The following CCDC7 variants were observed in gnomAD, a reference collection of about 807,000 sequenced individuals.
CCDC7 encodes coiled-coil domain-containing protein 7.
CCDC7 carries 183 observed loss-of-function variants against 196.9 expected under a neutral mutation model. The observed-to-expected ratio is 0.93, with a 90% CI of 0.82 to 1.05. CCDC7 has a LOEUF of 1.05. Among genes scored for constraint, CCDC7 ranks in the 50% least tolerant of loss-of-function variants. CCDC7 has a pLI of 0.00. For synonymous variants in CCDC7, 525 were observed against 484.6 expected, an observed-to-expected ratio of 1.08 and a Z score of -1.10; for missense variants, 1,540 against 1,482.2, an observed-to-expected ratio of 1.04 and a Z score of -0.64.
At chr10:32,631,275 G>A (rs548540315) in intron 18 of CCDC7, among the ~76,000 whole-genome samples, 1 of 152,080 alleles carries the variant, frequency 6.6e-6, no homozygotes. Context: ...TTTATAAAGG[G>A]TTTTATAGTT....
In CCDC7 at chr10:32,585,003, TA is replaced by T. The variant is rs561589877; in HGVS notation, c.1801+700del. Among the ~76,000 whole-genome samples, 16 of 152,232 alleles carry T rather than the reference TA, an allele frequency of 1.1e-4. 1 individual carries two copies. In the South Asian group the frequency reaches 2.7e-3, roughly 26 times the overall value. On this transcript the variant is annotated intron_variant, in intron 18 of 41. Transcript: ENST00000639629. Reference sequence around the variant, plus strand: ...TTTGATATACGGTTAAAAGCAAAGATATTTTTTTCTTCCTTTCCAACATGTA... The same window carrying T: ...TTTGATATACGGTTAAAAGCAAAGATTTTTTTTCTTCCTTTCCAACATGTA...
At chr10:32,665,224 A>G (rs936504065) in intron 21 of CCDC7, among the ~76,000 whole-genome samples, 5 of 151,994 alleles carry the variant, frequency 3.3e-5, no homozygotes, top group South Asian at 2.1e-4. Flanking sequence ...TGCTTATCAG[A>G]TTTATGATTT....
chr10:32,487,271 A>G (rs2041301272), intron 8 of CCDC7, among the ~76,000 whole-genome samples: 1 of 152,034 alleles, frequency 6.6e-6, no homozygotes, highest in Admixed American at 6.5e-5. Context: ...CTTCCAGTTG[A>G]TCGAATCGGC....
chr10:32,581,699 C>T (rs1367625652), intron 16 of CCDC7, among the ~76,000 whole-genome samples: 2 of 152,032 alleles, frequency 1.3e-5, no homozygotes, highest in African/African-American at 2.4e-5. Context: ...AGTATATTAG[C>T]ATTTAAGGCA....
intron 28 of CCDC7, among the ~76,000 whole-genome samples, chr10:32,763,538 C>G (rs959072473): frequency 6.6e-6 from 1 of 151,892 alleles, no homozygotes; most frequent in Non-Finnish European, 1.5e-5. Flanking sequence ...ATCCCCGTGT[C>G]CATGTAACAG....
rs192602475 is a variant in CCDC7 at position 32,698,517 on chromosome 10, G to A, written c.2458+3525G>A. Among the ~76,000 whole-genome samples the A allele has an allele frequency of 4.0e-3, 605 of 152,202 alleles. 3 individuals are homozygous for A. The highest frequency in any genetic ancestry group is 0.014 in the African/African-American group (561 of 41,538). On this transcript the variant is annotated intron_variant, in intron 24 of 41. Coordinates refer to ENST00000639629, the Ensembl canonical transcript of CCDC7. ...CATAGAGAAGACCTTAAATAACCTG[G>A]TGGAGCTGAAAACCATGGCACGAGA...
chr10:32,616,307 A>G (rs906663145), intron 18 of CCDC7, among the ~76,000 whole-genome samples: 1 of 151,756 alleles, frequency 6.6e-6, no homozygotes, highest in South Asian at 2.1e-4. Flanking sequence ...ATGTTTTTCT[A>G]TTTGTTTGCA....
chr10:32,798,654 A>G (rs146056355), intron 29 of CCDC7, among the ~76,000 whole-genome samples: 2 of 152,204 alleles, frequency 1.3e-5, no homozygotes, highest in East Asian at 3.8e-4. Context: ...ATCCAGGCAA[A>G]CTATTGGCTA....
chr10:32,610,889 G>A (rs1463285316), intron 18 of CCDC7, among the ~76,000 whole-genome samples: 1 of 152,280 alleles, frequency 6.6e-6, no homozygotes, highest in East Asian at 1.9e-4. Context: ...ACATATGTGT[G>A]CATGCGTCTT....
At chr10:32,661,422 CCT>C (rs1224349720) in intron 20 of CCDC7, among the ~76,000 whole-genome samples, 2 of 152,056 alleles carry the variant, frequency 1.3e-5, no homozygotes, top group Admixed American at 6.6e-5. Flanking sequence ...GGCAATTTTT[CCT>C]CTGTTTTTCT....
upstream of CCDC7, chr10:32,451,579 T>A: frequency 1.3e-6 from 2 of 1,502,816 alleles, no homozygotes; most frequent in South Asian, 1.4e-5. Context: ...GAATCTCTTA[T>A]TTTTTTTCAC....
At chr10:32,848,570 C>T in intron 38 of CCDC7, 26 bp from the exon 40 acceptor site, 1 of 1,407,534 alleles carries the variant, frequency 7.1e-7, no homozygotes, top group Non-Finnish European at 1.0e-6. Flanking sequence ...TATTCATGCA[C>T]TTTTTCTTTT....
intron 25 of CCDC7, among the ~76,000 whole-genome samples, chr10:32,722,793 CCCTCCCAT>C (rs1428956827): frequency 6.6e-6 from 1 of 152,064 alleles, no homozygotes; most frequent in Non-Finnish European, 1.5e-5. Context: ...CAACCCGTAA[CCCTCCCAT>C]CATAGTGTTA....
chr10:32,544,366 G>C (rs763276459), intron 13 of CCDC7, 65 bp downstream of exon 14: 20 of 1,492,526 alleles, frequency 1.3e-5, no homozygotes, highest in South Asian at 2.6e-5. Context: ...GTCATATATA[G>C]AGAAACATTA....
intron 21 of CCDC7, among the ~76,000 whole-genome samples, chr10:32,679,196 C>G (rs1489077629): frequency 6.6e-6 from 1 of 152,074 alleles, no homozygotes; most frequent in Non-Finnish European, 1.5e-5. Flanking sequence ...CAGAATTCAC[C>G]AAAGCCCAAT....
intron 29 of CCDC7, among the ~76,000 whole-genome samples, chr10:32,779,640 T>C (rs550325271): frequency 6.6e-6 from 1 of 152,298 alleles, no homozygotes; most frequent in East Asian, 1.9e-4. Flanking sequence ...GTGGTAGCTT[T>C]TGAATCACTC....
intron 28 of CCDC7, among the ~76,000 whole-genome samples, chr10:32,768,124 A>T (rs909783659): frequency 6.6e-6 from 1 of 152,094 alleles, no homozygotes; most frequent in South Asian, 2.1e-4. Context: ...TTTAAATAAC[A>T]TTATTTAAAT....
chr10:32,780,072 A>G (rs1410145593), intron 29 of CCDC7, among the ~76,000 whole-genome samples: 2 of 152,186 alleles, frequency 1.3e-5, no homozygotes, highest in Non-Finnish European at 2.9e-5. Flanking sequence ...CCCCGTCTCT[A>G]CAAAAATACA....
intron 20 of CCDC7, among the ~76,000 whole-genome samples, chr10:32,641,490 T>G (rs971653917): frequency 1.5e-4 from 23 of 152,188 alleles, no homozygotes; most frequent in African/African-American, 4.1e-4. Context: ...CATGCCTTGG[T>G]TTTCAGCTCC....
Sources: allele counts gnomAD v4.1 joint callset (sites outside exome capture counted in the v4.1 genomes callset), GRCh38; gene constraint gnomAD v4.1.1; transcripts MANE v1.5; gene names NCBI Gene and HGNC (gene_info 2026-07-23, HGNC 2026-07-21).